The following ACADVL variants were observed in gnomAD, a reference collection of about 807,000 sequenced individuals.
ACADVL encodes very long-chain acyl-CoA dehydrogenase, mitochondrial.
ACADVL carries 73 observed loss-of-function variants against 80.4 expected under a neutral mutation model. That is an observed-to-expected ratio of 0.91 (90% CI 0.75 to 1.10). The LOEUF (loss-of-function observed/expected upper bound fraction) is 1.10, where lower values mean the gene tolerates loss of function less well. Among genes scored for constraint, ACADVL ranks in the 50% least tolerant of loss-of-function variants. The pLI, the probability that ACADVL is intolerant of heterozygous loss-of-function variation, is 0.00. For synonymous variants in ACADVL, 392 were observed against 326.5 expected, an observed-to-expected ratio of 1.20 and a Z score of -2.16; for missense variants, 878 against 858.9, an observed-to-expected ratio of 1.02 and a Z score of -0.28.
chr17:7,222,555 A>G lies in ACADVL; in HGVS notation c.879-112A>G, dbSNP rs916146253. Reference sequence around the variant, plus strand: ...GGGGAAGTGGTGGCTGTAGCCTCTAATAGTCTAGTGGTCGTCATTCCTCCC... The same window carrying G: ...GGGGAAGTGGTGGCTGTAGCCTCTAGTAGTCTAGTGGTCGTCATTCCTCCC... On this transcript the variant is annotated intron_variant, in intron 9 of 19. Coordinates refer to ENST00000356839, the MANE Select transcript of ACADVL (RefSeq NM_000018.4). The G allele has an allele frequency of 8.0e-6, 10 of 1,248,028 alleles. No individual in the cohort carries two copies. In the South Asian group the frequency reaches 1.3e-4, roughly 16 times the overall value. The allele number at this position is 1,248,028 out of a possible 1,614,324, so 77.3% of individuals were successfully genotyped here.
chr17:7,223,658 G>C lies in ACADVL; in HGVS notation c.1197G>C (p.Met399Ile), dbSNP rs767552054. 6.2e-6 allele frequency: 10 copies of C among 1,614,060 alleles called. No homozygotes were observed. In the South Asian group the frequency reaches 1.1e-4, roughly 18 times the overall value. The change falls in exon 12 of 20, where the codon ATG becomes ATC. Residue 399 changes from methionine (M) to isoleucine (I), a missense_variant. Transcript: ENST00000356839. ...TGCAACCTCAGTCCATGGCTTACAT[G>C]GTGAGTGCTAACATGGACCAGGGAG... ...LQYVTESMAY[M>I]VSANMDQGAT...
rs1231882461 is a variant in ACADVL, at chr17:7,224,538, A to G, written c.1664A>G (p.Lys555Arg). Residue 555 changes from lysine to arginine, a missense_variant, in exon 17 of 20, where the codon AAG becomes AGG. Physicochemically the swap from Lys to Arg is conservative, Grantham distance 26 (BLOSUM62 2). Transcript: ENST00000356839. ...GTGGAGGCCAAGCTGATAAAACACA[A>G]GAAGGGGATTGTCAGTAAGTGAGCT... Reference protein sequence around the residue: ...TVVEAKLIKHKKGIVNEQFLL... With the variant: ...TVVEAKLIKHRKGIVNEQFLL... The G allele has an allele frequency of 6.2e-6, 10 of 1,601,020 alleles. No homozygotes were observed. The highest frequency in any genetic ancestry group is 8.5e-6 in the Non-Finnish European group (10 of 1,174,828).
chr17:7,219,199 G>A (rs2071072386), upstream of ACADVL: 6 of 352,626 alleles, frequency 1.7e-5, no homozygotes, highest in South Asian at 2.3e-4. Context: ...AATTGTTTGG[G>A]ACTTCCTGCC....
chr17:7,218,164 A>G (rs1331965507), upstream of ACADVL: 1 of 1,317,616 alleles, frequency 7.6e-7, no homozygotes, highest in Non-Finnish European at 1.1e-6. Flanking sequence ...ATTCCAGGTA[A>G]TATTAGTGAT....
At chr17:7,221,495 C>T (rs1472627881) in intron 6 of ACADVL, 43 bp from the exon 7 acceptor site, 1 of 1,612,654 alleles carries the variant, frequency 6.2e-7, no homozygotes, top group Non-Finnish European at 8.5e-7. Context: ...GGTCAGGTCC[C>T]CCTGCAGCCA....
chr17:7,224,791 TCTC>T lies in ACADVL; in HGVS notation c.1752-15_1752-13del. On this transcript the variant is annotated splice_polypyrimidine_tract_variant and intron_variant, in intron 18 of 19. Transcript: ENST00000356839. ...CCCAGCCGGCCCAGATTTATTTTCATCTCCTGCTTCCTGCCAGGGCCTCAAGAT... is the reference window on the plus strand; with the variant it reads ...CCCAGCCGGCCCAGATTTATTTTCATCTGCTTCCTGCCAGGGCCTCAAGAT... 6.2e-7 allele frequency: 1 copy of T among 1,613,830 alleles called. No homozygotes were observed.
At chr17:7,218,638 A>T (rs1444283851), upstream of ACADVL, 2 of 1,560,120 alleles carry the variant, frequency 1.3e-6, no homozygotes, top group Admixed American at 3.9e-5. Context: ...CTGACCTGGG[A>T]GCTAGTGAGA....
chr17:7,224,551 CAGTA>C lies in ACADVL; in HGVS notation c.1678+3_1678+6del, dbSNP rs759135941. 11 of 1,611,320 alleles carry C rather than the reference CAGTA, an allele frequency of 6.8e-6. No homozygotes were observed. Among genetic ancestry groups the C allele is most frequent in the Admixed American group, 5.0e-5 (3 of 59,988 alleles). On this transcript the variant is annotated splice_donor_variant and splice_donor_region_variant and coding_sequence_variant and intron_variant, in exon 17 of 20. Transcript: ENST00000356839. LOFTEE classifies it high-confidence loss of function. ...TGATAAAACACAAGAAGGGGATTGTCAGTAAGTGAGCTCTACACCATTCCGCCCC... is the reference window on the plus strand; with the variant it reads ...TGATAAAACACAAGAAGGGGATTGTCAGTGAGCTCTACACCATTCCGCCCC...
In ACADVL at chr17:7,223,170, A is replaced by C. The variant is rs1175247614; in HGVS notation, c.1115A>C (p.Lys372Thr). Residue 372 changes from lysine to threonine, a missense_variant, in exon 11 of 20, where the codon AAA becomes ACA. Coordinates refer to ENST00000356839, the MANE Select transcript of ACADVL (RefSeq NM_000018.4). ...HATNRTQFGE[K>T]IHNFGLIQEK... ...ACTAATCGTACCCAGTTTGGGGAGA[A>C]AATTCACAACTTTGGGCTGATCCAG... 6.2e-7 allele frequency: 1 copy of C among 1,614,120 alleles called. No homozygotes were observed. Among genetic ancestry groups the C allele is most frequent in the Admixed American group, 1.7e-5 (1 of 60,030 alleles).
Position 7,221,585 on chromosome 17 carries a change from C to G in ACADVL, c.525C>G (p.Gly175=). Reference sequence around the variant, plus strand: ...TGGGCATGCATGACCTTGGCGTGGGCATTACCCTGGGGGCCCATCAGAGCA... The same window carrying G: ...TGGGCATGCATGACCTTGGCGTGGGGATTACCCTGGGGGCCCATCAGAGCA... ...EIVGMHDLGV[G]ITLGAHQSIG... is the part of the protein sequence containing the mutation. The change falls in exon 7 of 20, where the codon GGC becomes GGG. Residue 175 remains glycine, a synonymous_variant. Transcript: ENST00000356839. 2.5e-6 allele frequency: 4 copies of G among 1,614,106 alleles called. No individual in the cohort carries two copies. Among genetic ancestry groups the G allele is most frequent in the Non-Finnish European group, 3.4e-6 (4 of 1,180,026 alleles).
In ACADVL at chr17:7,220,614, C is replaced by T. The variant is rs1161495077; in HGVS notation, c.215C>T (p.Ser72Phe). The change falls in exon 4 of 20, where the codon TCC (serine) becomes TTC (phenylalanine). Residue 72 changes from serine to phenylalanine, a missense_variant. Transcript: ENST00000356839. ...RKKPAKAESK[S>F]FAVGMFKGQL... is the part of the protein sequence containing the mutation. The stretch of plus-strand genomic sequence containing the variant: ...CCTCTCTCTGCCCAGGAATCTAAGT[C>T]CTTTGCTGTGGGAATGTTCAAAGGC... 1.2e-6 allele frequency: 2 copies of T among 1,614,204 alleles called. No homozygotes were observed. The highest frequency in any genetic ancestry group is 8.5e-7 in the Non-Finnish European group (1 of 1,180,030).
At position 7,221,059 on chromosome 17, in the gene ACADVL, G is replaced by C. The variant is rs2142969951; in HGVS notation, c.477+1G>C. The C allele has an allele frequency of 6.8e-6, 11 of 1,613,356 alleles. No individual in the cohort carries two copies. Among genetic ancestry groups the C allele is most frequent in the Non-Finnish European group, 9.3e-6 (11 of 1,180,030 alleles). On this transcript the variant is annotated splice_donor_variant, in intron 6 of 19. Transcript: ENST00000356839. LOFTEE classifies it high-confidence loss of function. The stretch of plus-strand genomic sequence containing the variant: ...TGGTGTGGGCCTTTGCAACACCCAG[G>C]TGAGGGCGCCCTATCGCCACATCCC...
upstream of ACADVL, chr17:7,219,690 C>A (rs1490838408): frequency 1.5e-6 from 2 of 1,363,032 alleles, no homozygotes; most frequent in Admixed American, 3.0e-5. Flanking sequence ...TAAGCCCCTT[C>A]CTCTTCTGTC....
chr17:7,217,622 A>G, upstream of ACADVL: 1 of 1,223,376 alleles, frequency 8.2e-7, no homozygotes, highest in Non-Finnish European at 1.1e-6. Flanking sequence ...AAGGGGAGAG[A>G]GGAGGAGAGA....
Position 7,224,263 on chromosome 17 carries a change from C to G in ACADVL, c.1532+20C>G, listed in dbSNP as rs1291717212. The G allele has an allele frequency of 1.2e-6, 2 of 1,613,562 alleles. No homozygotes were observed. Among genetic ancestry groups the G allele is most frequent in the Non-Finnish European group, 1.7e-6 (2 of 1,180,004 alleles). ...GAGGCGGTAGGCTTAGGGCCAGAGC[C>G]AGGGGAGGGCAGGGTGGTGTATGGC... On this transcript the variant is annotated intron_variant, in intron 15 of 19. Coordinates refer to ENST00000356839, the MANE Select transcript of ACADVL (RefSeq NM_000018.4).
rs771025937 is a variant in ACADVL, at chr17:7,224,242, C to T, written c.1531C>T (p.Arg511Trp). The change falls in exon 15 of 20, where the codon CGG becomes TGG. Residue 511 changes from arginine to tryptophan, a missense_variant and splice_region_variant. Arg to Trp is a moderately radical substitution (Grantham distance 101). Transcript: ENST00000356839. The part of the protein sequence containing the change: ...LLGEAGKQLR[R>W]RAGLGSGLSL... ...AGGAGAGGCAGGCAAACAGCTGAGGCGGTAGGCTTAGGGCCAGAGCCAGGG... is the reference window on the plus strand; with the variant it reads ...AGGAGAGGCAGGCAAACAGCTGAGGTGGTAGGCTTAGGGCCAGAGCCAGGG... The T allele has an allele frequency of 1.4e-5, 23 of 1,613,624 alleles. No individual in the cohort carries two copies. The highest frequency in any genetic ancestry group is 1.3e-4 in the Admixed American group (8 of 60,000).
chr17:7,223,402 A>G (rs1475339152), intron 11 of ACADVL, 165 bp downstream of exon 11: 4 of 824,888 alleles, frequency 4.8e-6, no homozygotes, highest in East Asian at 4.9e-5. Flanking sequence ...GAAGAGAGAC[A>G]GCAATGATGT....
chr17:7,220,711 A>G lies in ACADVL; in HGVS notation c.277+35A>G, dbSNP rs773003854. On this transcript the variant is annotated intron_variant, in intron 4 of 19. Coordinates refer to ENST00000356839, the MANE Select transcript of ACADVL (RefSeq NM_000018.4). ...GGGATAATCAGAGCTGGGTGGGGCC[A>G]GGGTGGTTTCCCCTGCCAGCCTGGC... 3.1e-6 allele frequency: 5 copies of G among 1,614,088 alleles called. No homozygotes were observed. The East Asian group carries it at 6.7e-5, about 22-fold the overall frequency.
At position 7,220,933 on chromosome 17, in the gene ACADVL, G is replaced by C. The variant is rs543878973; in HGVS notation, c.352G>C (p.Asp118His). ...PVSRFFEEVN[D>H]PAKNDALEMV... The stretch of plus-strand genomic sequence containing the variant: ...CCTGTGCCTTCCCCAGGAAGTGAAC[G>C]ATCCCGCCAAGAATGACGCTCTGGA... The change falls in exon 6 of 20, where the codon GAT (aspartate) becomes CAT (histidine). Residue 118 changes from aspartate to histidine, a missense_variant. Physicochemically the swap from Asp to His is moderately conservative, Grantham distance 81. Coordinates refer to ENST00000356839, the MANE Select transcript of ACADVL (RefSeq NM_000018.4). The C allele has an allele frequency of 6.2e-7, 1 of 1,614,108 alleles. No homozygotes were observed. The highest frequency in any genetic ancestry group is 1.3e-5 in the African/African-American group (1 of 75,044).
Sources: allele counts gnomAD v4.1 joint callset, GRCh38; gene constraint gnomAD v4.1.1; transcripts MANE v1.5; gene names NCBI Gene and HGNC (gene_info 2026-07-23, HGNC 2026-07-21).